Variants in TACR3 observed in about 807,000 individuals in gnomAD.
TACR3 encodes the protein neuromedin-K receptor.
A neutral mutation model predicts 35.0 loss-of-function variants in TACR3; 34 were observed. That is an observed-to-expected ratio of 0.97 (90% CI 0.74 to 1.30). TACR3 has a LOEUF of 1.30. Among genes scored for constraint, TACR3 ranks in the 50% most tolerant of loss-of-function variants. The pLI, the probability that TACR3 is intolerant of heterozygous loss-of-function variation, is 0.00. For missense variants in TACR3, 558 were observed against 591.7 expected (o/e 0.94, Z 0.59); for synonymous variants, 233 against 221.1 (o/e 1.05, Z -0.48).
chr4:103,690,544 T>A (rs1171834152), intron 1 of TACR3, among the ~76,000 whole-genome samples: 2 of 152,092 alleles, frequency 1.3e-5, no homozygotes, highest in Admixed American at 6.6e-5. Flanking sequence ...TAAGAATAGT[T>A]ATAGACGTCA....
chr4:103,682,095 C>T (rs77013281), intron 1 of TACR3, among the ~76,000 whole-genome samples: 3 of 152,038 alleles, frequency 2.0e-5, no homozygotes, highest in Admixed American at 6.6e-5. Context: ...TATTCACCCA[C>T]TCTTATTCTG....
intron 3 of TACR3, among the ~76,000 whole-genome samples, chr4:103,594,061 A>G (rs1723950814): frequency 6.6e-6 from 1 of 152,200 alleles, no homozygotes; most frequent in Admixed American, 6.5e-5. Flanking sequence ...GTCAGTTATT[A>G]CTAGTATCAT....
chr4:103,708,707 T>G (rs1038743162), intron 1 of TACR3, among the ~76,000 whole-genome samples: 1 of 152,148 alleles, frequency 6.6e-6, no homozygotes, highest in Non-Finnish European at 1.5e-5. Flanking sequence ...CAAACTTCTC[T>G]GAGCTAAAGG....
intron 3 of TACR3, among the ~76,000 whole-genome samples, chr4:103,622,915 T>A (rs1415338740): frequency 6.6e-6 from 1 of 151,738 alleles, no homozygotes; most frequent in Non-Finnish European, 1.5e-5. Flanking sequence ...AAACTACACT[T>A]CCAAAAATAA....
chr4:103,683,219 G>A (rs915256855), intron 1 of TACR3, among the ~76,000 whole-genome samples: 4 of 151,596 alleles, frequency 2.6e-5, no homozygotes, highest in African/African-American at 9.7e-5. Flanking sequence ...GTACTTGTAT[G>A]TAAATTTACA....
At chr4:103,612,791 T>G (rs1426436713) in intron 3 of TACR3, among the ~76,000 whole-genome samples, 1 of 151,918 alleles carries the variant, frequency 6.6e-6, no homozygotes, top group Non-Finnish European at 1.5e-5. Context: ...ATTACAGGCG[T>G]GAGCCACAGA....
intron 3 of TACR3, among the ~76,000 whole-genome samples, chr4:103,613,361 A>C (rs1437761795): frequency 6.6e-6 from 1 of 152,182 alleles, no homozygotes; most frequent in Non-Finnish European, 1.5e-5. Flanking sequence ...TAATGCTTTT[A>C]AGCATTACTT....
At position 103,664,250 on chromosome 4, in the gene TACR3, T is replaced by C. The variant is rs1052966240; in HGVS notation, c.549-5847A>G. Among the ~76,000 whole-genome samples, 15 of 152,306 alleles carry C rather than the reference T, an allele frequency of 9.8e-5. No individual in the cohort carries two copies. In the East Asian group the frequency reaches 2.7e-3, roughly 27 times the overall value. On this transcript the variant is annotated intron_variant, in intron 1 of 4. Transcript: ENST00000304883. ...ACCACTTACTATTTTTCTGATATAA[T>C]TGAGGTGGTCTTTTATGTTTACTTA...
In TACR3 at chr4:103,659,951, C is replaced by T. The variant is rs1283426694; in HGVS notation, c.549-1548G>A. Among the ~76,000 whole-genome samples the T allele has an allele frequency of 3.9e-5, 6 of 152,172 alleles. No homozygotes were observed. The East Asian group carries it at 1.2e-3, about 29-fold the overall frequency. ...CGATCTTTATGTTGTTTCAATTCTA[C>T]TTTTGGTCATTTTATGTTTATAGAA... is the stretch of plus-strand genomic sequence containing the variant. On this transcript the variant is annotated intron_variant, in intron 1 of 4. Transcript: ENST00000304883.
rs187728137 is a variant in TACR3, at chr4:103,695,954, C to T, written c.548+23174G>A. 5.3e-5 allele frequency among the ~76,000 whole-genome samples: 8 copies of T among 152,208 alleles called. No homozygotes were observed. The East Asian group carries it at 1.3e-3, about 26-fold the overall frequency. On this transcript the variant is annotated intron_variant, in intron 1 of 4. Transcript: ENST00000304883. ...TTTTCAGTATTTAGCCATCCACACT[C>T]CTTAGGTTACCTTTTCTGTAGCTGT...
intron 1 of TACR3, among the ~76,000 whole-genome samples, chr4:103,665,973 GTTCT>G (rs1157060563): frequency 1.3e-5 from 2 of 152,148 alleles, no homozygotes; most frequent in African/African-American, 4.8e-5. Flanking sequence ...CCTTGAGTTT[GTTCT>G]TTTTGTAATG....
chr4:103,615,930 G>T (rs1458906815), intron 3 of TACR3, among the ~76,000 whole-genome samples: 1 of 152,058 alleles, frequency 6.6e-6, no homozygotes, highest in East Asian at 1.9e-4. Flanking sequence ...TACTCCTTTA[G>T]ATCATAAATA....
intron 1 of TACR3, among the ~76,000 whole-genome samples, chr4:103,703,927 C>T (rs1343736872): frequency 1.3e-5 from 2 of 151,522 alleles, no homozygotes; most frequent in East Asian, 2.0e-4. Flanking sequence ...AGTGAAACCC[C>T]ATCTCTACTA....
rs150915487 is a variant in TACR3 at position 103,718,885 on chromosome 4, C to G, written c.548+243G>C. Among the ~76,000 whole-genome samples the G allele has an allele frequency of 5.9e-3, 895 of 152,122 alleles. 8 individuals are homozygous for G. Among genetic ancestry groups the G allele is most frequent in the African/African-American group, 0.02 (847 of 41,528 alleles). On this transcript the variant is annotated intron_variant, in intron 1 of 4. Transcript: ENST00000304883. Reference sequence around the variant, plus strand: ...TGTCCCTCATTCACCTTCTTCAGTCCCTCTAGATATCCTTAATAAGGCTCA... The same window carrying G: ...TGTCCCTCATTCACCTTCTTCAGTCGCTCTAGATATCCTTAATAAGGCTCA...
At position 103,670,086 on chromosome 4, in the gene TACR3, C is replaced by T. The variant is rs186625023; in HGVS notation, c.549-11683G>A. Among the ~76,000 whole-genome samples, 3 of 152,016 alleles carry T rather than the reference C, an allele frequency of 2.0e-5. No individual in the cohort carries two copies. In the East Asian group the frequency reaches 5.8e-4, roughly 29 times the overall value. ...TGTTATATGGTCATTTCTTGTCAAACTTGTCATTTCCCCAATGTATGTTCC... is the reference window on the plus strand; with the variant it reads ...TGTTATATGGTCATTTCTTGTCAAATTTGTCATTTCCCCAATGTATGTTCC... On this transcript the variant is annotated intron_variant, in intron 1 of 4. Transcript: ENST00000304883.
chr4:103,659,489 A>G (rs1725794566), intron 1 of TACR3, among the ~76,000 whole-genome samples: 1 of 152,160 alleles, frequency 6.6e-6, no homozygotes, highest in Non-Finnish European at 1.5e-5. Flanking sequence ...ATGGTCCATA[A>G]ACCCATTTAA....
chr4:103,600,416 G>C (rs934829481), intron 3 of TACR3, among the ~76,000 whole-genome samples: 3 of 152,014 alleles, frequency 2.0e-5, no homozygotes, highest in African/African-American at 7.3e-5. Context: ...ACCAGCTCCT[G>C]GATTCATTAA....
intron 3 of TACR3, among the ~76,000 whole-genome samples, chr4:103,622,145 A>T (rs1270979280): frequency 6.6e-6 from 1 of 152,210 alleles, no homozygotes; most frequent in South Asian, 2.1e-4. Flanking sequence ...CAAGGACTGA[A>T]TACATCCAAT....
intron 1 of TACR3, among the ~76,000 whole-genome samples, chr4:103,661,103 G>A (rs965185187): frequency 6.6e-6 from 1 of 151,798 alleles, no homozygotes; most frequent in African/African-American, 2.4e-5. Flanking sequence ...TATAGATTTT[G>A]AATATAACCA....
Sources: gnomAD v4.1 joint callset for allele counts (sites outside exome capture counted in the v4.1 genomes callset) on GRCh38, gnomAD v4.1.1 for gene constraint, MANE v1.5 for transcripts, NCBI Gene and HGNC (gene_info 2026-07-23, HGNC 2026-07-21) for gene names.